The following KIAA1958 variants were observed in gnomAD, a reference collection of about 807,000 sequenced individuals.
The protein encoded by KIAA1958 is KIAA1958, also known as uncharacterized protein KIAA1958.
A neutral mutation model predicts 47.2 loss-of-function variants in KIAA1958; 14 were observed. That is an observed-to-expected ratio of 0.30 (90% CI 0.20 to 0.46). KIAA1958 has a LOEUF of 0.46. KIAA1958 is among the 20% of genes least tolerant of loss of function. KIAA1958 has a pLI of 1.00. For synonymous variants in KIAA1958, 354 were observed against 353.3 expected (o/e 1.00, Z -0.02); for missense variants, 803 against 909.2 (o/e 0.88, Z 1.50).
At chr9:112,653,366 T>A (rs1837093786) in intron 3 of KIAA1958, among the ~76,000 whole-genome samples, 1 of 152,180 alleles carries the variant, frequency 6.6e-6, no homozygotes, top group South Asian at 2.1e-4. Context: ...TACGGCTCCA[T>A]AACAAACCAC....
At chr9:112,655,885 C>G (rs960820429) in intron 3 of KIAA1958, among the ~76,000 whole-genome samples, 4 of 152,080 alleles carry the variant, frequency 2.6e-5, no homozygotes, top group African/African-American at 9.7e-5. Flanking sequence ...TGGTTTCTCT[C>G]CACATTAGCC....
chr9:112,519,101 T>C (rs955258542), intron 1 of KIAA1958, among the ~76,000 whole-genome samples: 1 of 152,042 alleles, frequency 6.6e-6, no homozygotes, highest in African/African-American at 2.4e-5. Flanking sequence ...AGCTAATTTT[T>C]AAATTTATTA....
intron 2 of KIAA1958, among the ~76,000 whole-genome samples, chr9:112,585,532 CAG>C (rs1835809898): frequency 2.0e-5 from 3 of 152,284 alleles, no homozygotes; most frequent in Non-Finnish European, 4.4e-5. Flanking sequence ...CCACGGGGCT[CAG>C]GGGGACACAG....
chr9:112,543,816 AC>A lies in KIAA1958; in HGVS notation c.-24-30238del, dbSNP rs915528800. ...TCGAACTTCCGACCTCAGATGATCCACCCGCCTCGGCCTCCCACAGTTCTGA... is the reference window on the plus strand; with the variant it reads ...TCGAACTTCCGACCTCAGATGATCCACCGCCTCGGCCTCCCACAGTTCTGA... On this transcript the variant is annotated intron_variant, in intron 1 of 3. Transcript: ENST00000337530. Among the ~76,000 whole-genome samples the A allele has an allele frequency of 2.2e-4, 34 of 151,864 alleles. No individual in the cohort carries two copies. The South Asian group carries it at 6.0e-3, about 27-fold the overall frequency.
rs1383903863 is a variant in KIAA1958 at position 112,574,330 on chromosome 9, A to G, written c.250A>G (p.Ser84Gly). The G allele has an allele frequency of 5.0e-6, 8 of 1,614,180 alleles. No homozygotes were observed. Among genetic ancestry groups the G allele is most frequent in the Non-Finnish European group, 5.1e-6 (6 of 1,180,010 alleles). ...FQDNRSFNSD[S>G]PSIIGVPSET... ...GGATAACAGAAGTTTTAACTCTGAT[A>G]GTCCCAGTATAATCGGGGTGCCCTC... is the stretch of plus-strand genomic sequence containing the variant. Residue 84 changes from serine to glycine, a missense_variant, in exon 2 of 4, where the codon AGT becomes GGT. Coordinates refer to ENST00000337530, the MANE Select transcript of KIAA1958 (RefSeq NM_133465.4).
intron 1 of KIAA1958, among the ~76,000 whole-genome samples, chr9:112,534,073 C>G (rs1340098651): frequency 6.6e-6 from 1 of 152,224 alleles, no homozygotes; most frequent in African/African-American, 2.4e-5. Flanking sequence ...GCTCTGTAAC[C>G]TTAGGCAAGT....
intron 2 of KIAA1958, among the ~76,000 whole-genome samples, chr9:112,585,857 G>A (rs527682076): frequency 9.9e-5 from 15 of 152,284 alleles, no homozygotes; most frequent in African/African-American, 3.6e-4. Context: ...AAGTCATATT[G>A]TTAAGTCCTC....
At position 112,667,848 on chromosome 9, in the gene KIAA1958, T is replaced by A. The variant is rs1054416437; in HGVS notation, c.*7779T>A. 1 of 152,178 alleles carries A rather than the reference T, an allele frequency of 6.6e-6. No individual in the cohort carries two copies. The highest frequency in any genetic ancestry group is 1.5e-5 in the Non-Finnish European group (1 of 68,046). The allele number at this position is 152,178 out of a possible 1,614,324, so 9.4% of individuals were successfully genotyped here. ...ACGAGGCTTGATTTAAATAAAACAATGTTTGCTTAGTATCCTAATTTCAGT... is the reference window on the plus strand; with the variant it reads ...ACGAGGCTTGATTTAAATAAAACAAAGTTTGCTTAGTATCCTAATTTCAGT... On this transcript the variant is annotated 3_prime_UTR_variant, in exon 4 of 4. Transcript: ENST00000337530.
Position 112,583,789 on chromosome 9 carries a change from T to C in KIAA1958, c.1171+8538T>C, listed in dbSNP as rs1314898169. Reference sequence around the variant, plus strand: ...CACACACACTTAATTAAACATGGACTGGAAGGAGACACCCCAGATACACAG... The same window carrying C: ...CACACACACTTAATTAAACATGGACCGGAAGGAGACACCCCAGATACACAG... On this transcript the variant is annotated intron_variant, in intron 2 of 3. Transcript: ENST00000337530. 2.0e-5 allele frequency among the ~76,000 whole-genome samples: 3 copies of C among 152,336 alleles called. No homozygotes were observed. In the East Asian group the frequency reaches 5.8e-4, roughly 29 times the overall value.
chr9:112,500,926 A>AT, intron 1 of KIAA1958, among the ~76,000 whole-genome samples: 1 of 151,364 alleles, frequency 6.6e-6, no homozygotes, highest in Non-Finnish European at 1.5e-5. Flanking sequence ...CCTGGGCCAC[A>AT]TAGGGAGACC....
At position 112,575,121 on chromosome 9, in the gene KIAA1958, C is replaced by A; in HGVS notation, c.1041C>A (p.Pro347=). The part of the protein sequence containing the change: ...VASEEFLSHL[P]SQVSSCEVAL... ...CTGAAGAGTTCCTGTCCCATCTGCC[C>A]AGCCAGGTCTCCTCCTGTGAGGTAG... is the stretch of plus-strand genomic sequence containing the variant. Residue 347 remains proline, a synonymous_variant, in exon 2 of 4, where the codon CCC becomes CCA. Coordinates refer to ENST00000337530, the MANE Select transcript of KIAA1958 (RefSeq NM_133465.4). The A allele has an allele frequency of 6.2e-7, 1 of 1,607,028 alleles. No individual in the cohort carries two copies. Among genetic ancestry groups the A allele is most frequent in the African/African-American group, 1.3e-5 (1 of 75,044 alleles).
At chr9:112,572,858 G>A (rs1303054314) in intron 1 of KIAA1958, among the ~76,000 whole-genome samples, 1 of 152,172 alleles carries the variant, frequency 6.6e-6, no homozygotes, top group Non-Finnish European at 1.5e-5. Context: ...CCCTGACAGG[G>A]CGCCATGGAG....
chr9:112,507,206 C>A (rs1451239882), intron 1 of KIAA1958, among the ~76,000 whole-genome samples: 2 of 152,106 alleles, frequency 1.3e-5, no homozygotes, highest in Non-Finnish European at 2.9e-5. Flanking sequence ...AAGCTCTGGT[C>A]CAAGGGGTGG....
intron 1 of KIAA1958, among the ~76,000 whole-genome samples, chr9:112,567,143 A>G (rs1835439649): frequency 1.3e-5 from 2 of 152,252 alleles, no homozygotes; most frequent in Non-Finnish European, 2.9e-5. Context: ...CCAGGGAGGA[A>G]TGTATTATTT....
At chr9:112,546,992 G>T (rs1835047513) in intron 1 of KIAA1958, among the ~76,000 whole-genome samples, 1 of 135,188 alleles carries the variant, frequency 7.4e-6, no homozygotes, top group Non-Finnish European at 1.6e-5. Context: ...CCCAAGCTGG[G>T]GTGTGGTGGT....
At chr9:112,657,115 A>T (rs1837164897) in intron 3 of KIAA1958, among the ~76,000 whole-genome samples, 2 of 149,722 alleles carry the variant, frequency 1.3e-5, no homozygotes, top group Non-Finnish European at 3.0e-5. Context: ...TTTTTTTTTG[A>T]GATAGAGTCT....
chr9:112,554,154 G>A (rs1351427302), intron 1 of KIAA1958, among the ~76,000 whole-genome samples: 4 of 152,102 alleles, frequency 2.6e-5, no homozygotes, highest in Non-Finnish European at 5.9e-5. Flanking sequence ...ATAGAGGTAT[G>A]TAAAAAACCG....
chr9:112,634,084 T>C (rs76254131), intron 2 of KIAA1958, among the ~76,000 whole-genome samples: 270 of 152,338 alleles, frequency 1.8e-3, no homozygotes, highest in African/African-American at 6.1e-3. Flanking sequence ...AATCAATGCT[T>C]GTACCAACTT....
intron 1 of KIAA1958, among the ~76,000 whole-genome samples, chr9:112,548,850 T>G (rs1015713798): frequency 6.6e-6 from 1 of 152,218 alleles, no homozygotes; most frequent in Non-Finnish European, 1.5e-5. Flanking sequence ...TGGCCTCTGA[T>G]CAATATGACC....
Sources: gnomAD v4.1 joint callset for allele counts (sites outside exome capture counted in the v4.1 genomes callset) on GRCh38, gnomAD v4.1.1 for gene constraint, MANE v1.5 for transcripts, NCBI Gene and HGNC (gene_info 2026-07-23, HGNC 2026-07-21) for gene names.